The following DGKI variants were observed in gnomAD, a reference collection of about 807,000 sequenced individuals.
DGKI encodes the protein diacylglycerol kinase iota.
Under a neutral mutation model 147.5 loss-of-function variants are expected in DGKI, and 55 were observed. The observed-to-expected ratio is 0.37, with a 90% CI of 0.30 to 0.47. The LOEUF (loss-of-function observed/expected upper bound fraction) is 0.47, where lower values mean the gene tolerates loss of function less well. Among genes scored for constraint, DGKI ranks in the 20% least tolerant of loss-of-function variants. The pLI is 1.00. For synonymous variants in DGKI, 469 were observed against 477.1 expected, an observed-to-expected ratio of 0.98 and a Z score of 0.22; for missense variants, 1,007 against 1,323.8, an observed-to-expected ratio of 0.76 and a Z score of 3.71.
chr7:137,572,741 G>A, intron 18 of DGKI, 24 bp downstream of exon 18: 2 of 1,530,604 alleles, frequency 1.3e-6, no homozygotes, highest in Non-Finnish European at 1.8e-6. Flanking sequence ...GTCAAACCAA[G>A]GAAACAATAC....
At position 137,387,007 on chromosome 7, in the gene DGKI, A is replaced by T. The variant is rs1811194857; in HGVS notation, c.*4213T>A. On this transcript the variant is annotated 3_prime_UTR_variant, in exon 33 of 33. Coordinates refer to ENST00000614521, the MANE Select transcript of DGKI (RefSeq NM_001321708.2). ...GTCCCATTTTTAAATAGCATAATTGAATAAAATATGCTGTTCTCAGTGATT... is the reference window on the plus strand; with the variant it reads ...GTCCCATTTTTAAATAGCATAATTGTATAAAATATGCTGTTCTCAGTGATT... 3 of 152,148 alleles carry T rather than the reference A, an allele frequency of 2.0e-5. No homozygotes were observed. Among genetic ancestry groups the T allele is most frequent in the Admixed American group, 2.0e-4 (3 of 15,262 alleles). The allele number at this position is 152,148 out of a possible 1,614,324, so 9.4% of individuals were successfully genotyped here.
chr7:137,496,866 A>C (rs1397487878), intron 21 of DGKI, among the ~76,000 whole-genome samples: 1 of 152,202 alleles, frequency 6.6e-6, no homozygotes, highest in East Asian at 1.9e-4. Context: ...CCTAGGAAAT[A>C]TCATTCTGGA....
chr7:137,650,305 T>C (rs1821978683), intron 5 of DGKI, among the ~76,000 whole-genome samples: 1 of 152,082 alleles, frequency 6.6e-6, no homozygotes, highest in Non-Finnish European at 1.5e-5. Flanking sequence ...TCTCCCAAAA[T>C]TTACACTAAA....
At chr7:137,613,400 A>G (rs559964494) in intron 8 of DGKI, among the ~76,000 whole-genome samples, 1 of 152,280 alleles carries the variant, frequency 6.6e-6, no homozygotes, top group Admixed American at 6.5e-5. Context: ...CAAAAGTTAC[A>G]GACAGGGTCC....
intron 5 of DGKI, among the ~76,000 whole-genome samples, chr7:137,653,128 TTGTGTG>T (rs372984668): frequency 3.3e-5 from 5 of 151,710 alleles, no homozygotes; most frequent in African/African-American, 4.8e-5. Flanking sequence ...GTATGTGTGT[TTGTGTG>T]TGTGTGTGTG....
At chr7:137,425,984 T>C (rs1309840578) in intron 28 of DGKI, among the ~76,000 whole-genome samples, 1 of 152,172 alleles carries the variant, frequency 6.6e-6, no homozygotes, top group Non-Finnish European at 1.5e-5. Context: ...TGCAGGATAT[T>C]ATCCAGGAGA....
chr7:137,793,322 A>T (rs1781955958), intron 1 of DGKI, among the ~76,000 whole-genome samples: 1 of 148,226 alleles, frequency 6.7e-6, no homozygotes. Flanking sequence ...TTTTTTTGAG[A>T]CGGAGTCTCA....
At chr7:137,625,444 A>G (rs1335328668) in intron 6 of DGKI, among the ~76,000 whole-genome samples, 1 of 152,102 alleles carries the variant, frequency 6.6e-6, no homozygotes, top group Non-Finnish European at 1.5e-5. Flanking sequence ...TGAGGGATAG[A>G]GCAAGACTCC....
At chr7:137,771,054 C>T (rs1030194111) in intron 1 of DGKI, among the ~76,000 whole-genome samples, 21 of 151,964 alleles carry the variant, frequency 1.4e-4, no homozygotes, top group African/African-American at 4.3e-4. Flanking sequence ...TCTGGGTTTA[C>T]GTTTTATCTT....
chr7:137,622,598 T>C (rs867847842), intron 7 of DGKI, among the ~76,000 whole-genome samples: 1 of 151,960 alleles, frequency 6.6e-6, no homozygotes, highest in African/African-American at 2.4e-5. Flanking sequence ...AGACAATACA[T>C]AAATGAAAAA....
chr7:137,407,429 A>G (rs1811998162), intron 30 of DGKI, among the ~76,000 whole-genome samples: 1 of 152,142 alleles, frequency 6.6e-6, no homozygotes, highest in African/African-American at 2.4e-5. Flanking sequence ...AAATGAGATC[A>G]AACAGAAAAA....
intron 28 of DGKI, among the ~76,000 whole-genome samples, chr7:137,433,695 C>G (rs918963889): frequency 6.6e-6 from 1 of 152,170 alleles, no homozygotes; most frequent in Admixed American, 6.5e-5. Flanking sequence ...ACACAAAGAC[C>G]AGAGTCAGAG....
At chr7:137,493,306 C>A (rs766576199) in intron 21 of DGKI, among the ~76,000 whole-genome samples, 2 of 152,216 alleles carry the variant, frequency 1.3e-5, no homozygotes, top group African/African-American at 2.4e-5. Flanking sequence ...TTGCAAATGC[C>A]TGTATGGAGG....
chr7:137,650,923 T>TG (rs1331651123), intron 5 of DGKI, among the ~76,000 whole-genome samples: 4 of 152,132 alleles, frequency 2.6e-5, no homozygotes, highest in African/African-American at 7.2e-5. Flanking sequence ...TATCCAAAGG[T>TG]GGGGAATATC....
intron 28 of DGKI, among the ~76,000 whole-genome samples, chr7:137,430,324 T>C (rs1813011590): frequency 6.7e-6 from 1 of 149,566 alleles, no homozygotes. Flanking sequence ...AAACACCGCA[T>C]GTTCTCACTC....
intron 10 of DGKI, among the ~76,000 whole-genome samples, chr7:137,603,362 T>C (rs758253566): frequency 1.3e-5 from 2 of 152,178 alleles, no homozygotes; most frequent in Non-Finnish European, 2.9e-5. Context: ...CATGCAGGCA[T>C]TATCTAGATT....
Position 137,393,656 on chromosome 7 carries a change from C to T in DGKI, c.3057+1942G>A, listed in dbSNP as rs554198298. Reference sequence around the variant, plus strand: ...AAACCACAATTACTTTTACACCAACCTAATTATCTGCCATTTGAAATAGTG... The same window carrying T: ...AAACCACAATTACTTTTACACCAACTTAATTATCTGCCATTTGAAATAGTG... On this transcript the variant is annotated intron_variant, in intron 32 of 32. Coordinates refer to ENST00000614521, the MANE Select transcript of DGKI (RefSeq NM_001321708.2). 4.6e-5 allele frequency among the ~76,000 whole-genome samples: 7 copies of T among 152,292 alleles called. No homozygotes were observed. The South Asian group carries it at 6.2e-4, about 14-fold the overall frequency.
intron 1 of DGKI, among the ~76,000 whole-genome samples, chr7:137,776,725 A>G (rs1256682295): frequency 1.3e-5 from 2 of 152,222 alleles, no homozygotes; most frequent in African/African-American, 4.8e-5. Context: ...GTGGATTATC[A>G]GTGTCTTAAA....
At chr7:137,596,032 A>G (rs1273126974) in intron 12 of DGKI, among the ~76,000 whole-genome samples, 1 of 142,448 alleles carries the variant, frequency 7.0e-6, no homozygotes, top group Admixed American at 6.9e-5. Context: ...AAAAAAAAAA[A>G]AGAAAGAAAG....
Sources: gnomAD v4.1 joint callset for allele counts (sites outside exome capture counted in the v4.1 genomes callset) on GRCh38, gnomAD v4.1.1 for gene constraint, MANE v1.5 for transcripts, NCBI Gene and HGNC (gene_info 2026-07-23, HGNC 2026-07-21) for gene names.